Variants in CPQ observed in about 807,000 individuals in gnomAD.
CPQ encodes Ser-Met dipeptidase.
In CPQ, 37 loss-of-function variants were observed where a neutral mutation model predicts 45.7. That is an observed-to-expected ratio of 0.81 (90% CI 0.62 to 1.07). The LOEUF is 1.07. Among genes scored for constraint, CPQ ranks in the 50% least tolerant of loss-of-function variants. The pLI is 0.00. For missense variants in CPQ, 537 were observed against 572.9 expected (o/e 0.94, Z 0.64); for synonymous variants, 186 against 205.8 (o/e 0.90, Z 0.82).
intron 4 of CPQ, among the ~76,000 whole-genome samples, chr8:96,937,978 T>G (rs1441001322): frequency 6.6e-6 from 1 of 152,206 alleles, no homozygotes; most frequent in Non-Finnish European, 1.5e-5. Context: ...AAATTATTAT[T>G]TTTTTGGAAC....
chr8:97,098,257 C>T (rs1259294105), intron 7 of CPQ, among the ~76,000 whole-genome samples: 1 of 152,170 alleles, frequency 6.6e-6, no homozygotes. Context: ...CACCATGAAC[C>T]AAGCACTGTT....
At chr8:96,664,301 ACT>A (rs1164840140) in intron 1 of CPQ, among the ~76,000 whole-genome samples, 1 of 152,152 alleles carries the variant, frequency 6.6e-6, no homozygotes, top group Non-Finnish European at 1.5e-5. Flanking sequence ...GCTCAGAATG[ACT>A]CTATAGGTAA....
At chr8:96,883,925 C>A (rs1358784073) in intron 4 of CPQ, among the ~76,000 whole-genome samples, 1 of 152,142 alleles carries the variant, frequency 6.6e-6, no homozygotes, top group African/African-American at 2.4e-5. Flanking sequence ...CTTCTCAACA[C>A]ATGTTTTATT....
chr8:96,721,138 G>A (rs529302072), intron 1 of CPQ, among the ~76,000 whole-genome samples: 2 of 152,066 alleles, frequency 1.3e-5, no homozygotes, highest in South Asian at 4.2e-4. Context: ...GCTCCTACAC[G>A]GACTTTGAGG....
intron 5 of CPQ, among the ~76,000 whole-genome samples, chr8:97,007,453 GTGTC>G (rs2130434010): frequency 6.6e-6 from 1 of 152,290 alleles, no homozygotes; most frequent in Admixed American, 6.5e-5. Flanking sequence ...TTTCTATAAA[GTGTC>G]TGTTTTCAAA....
At chr8:96,651,499 A>G (rs1460795830) in intron 1 of CPQ, among the ~76,000 whole-genome samples, 1 of 152,238 alleles carries the variant, frequency 6.6e-6, no homozygotes, top group Non-Finnish European at 1.5e-5. Context: ...TTAAAAATGC[A>G]TATCTTTAAA....
At chr8:96,955,885 A>C (rs1361069304) in intron 4 of CPQ, among the ~76,000 whole-genome samples, 1 of 152,206 alleles carries the variant, frequency 6.6e-6, no homozygotes, top group Non-Finnish European at 1.5e-5. Context: ...AAGATGGATG[A>C]AAGACTTAAA....
At chr8:97,071,972 G>A (rs764586210) in intron 7 of CPQ, among the ~76,000 whole-genome samples, 4 of 152,134 alleles carry the variant, frequency 2.6e-5, no homozygotes, top group Non-Finnish European at 5.9e-5. Context: ...CTCATACATT[G>A]TGCAGTAGTG....
intron 2 of CPQ, among the ~76,000 whole-genome samples, chr8:96,806,003 A>C (rs1011572180): frequency 1.2e-4 from 18 of 152,308 alleles, no homozygotes; most frequent in East Asian, 5.8e-4. Context: ...ATTTCATAAG[A>C]GTGGCCATTA....
chr8:96,662,448 TTAAAGA>T (rs1279063172), intron 1 of CPQ, among the ~76,000 whole-genome samples: 1 of 152,236 alleles, frequency 6.6e-6, no homozygotes, highest in East Asian at 1.9e-4. Flanking sequence ...GGTCCAGTTC[TTAAAGA>T]TAAATGGATT....
chr8:96,745,008 C>G (rs1810155602), intron 1 of CPQ, among the ~76,000 whole-genome samples: 1 of 152,120 alleles, frequency 6.6e-6, no homozygotes, highest in African/African-American at 2.4e-5. Flanking sequence ...GGTTAAATGG[C>G]AGTGTAAAAG....
chr8:97,011,896 T>C (rs1809491686), intron 5 of CPQ, among the ~76,000 whole-genome samples: 1 of 152,170 alleles, frequency 6.6e-6, no homozygotes, highest in Admixed American at 6.5e-5. Flanking sequence ...CTTTCCTTTA[T>C]TAGCTTTCTT....
intron 1 of CPQ, among the ~76,000 whole-genome samples, chr8:96,695,991 C>A (rs1304080205): frequency 1.4e-5 from 2 of 145,624 alleles, no homozygotes; most frequent in Non-Finnish European, 3.0e-5. Flanking sequence ...CACATGCACA[C>A]GTATGTTTAT....
intron 5 of CPQ, among the ~76,000 whole-genome samples, chr8:96,971,213 T>C (rs1227756783): frequency 6.6e-6 from 1 of 152,192 alleles, no homozygotes; most frequent in African/African-American, 2.4e-5. Flanking sequence ...AGGCTACCTT[T>C]GGGAGCCTGA....
intron 5 of CPQ, among the ~76,000 whole-genome samples, chr8:97,020,775 C>G (rs1205927415): frequency 6.6e-6 from 1 of 152,048 alleles, no homozygotes; most frequent in Non-Finnish European, 1.5e-5. Context: ...TGGATTCACC[C>G]AGAATTCTAC....
Position 97,106,497 on chromosome 8 carries a change from C to T in CPQ, c.1256-36523C>T, listed in dbSNP as rs376961267. ...AACAGTGCTCCCTGCTCTTGCGGCA[C>T]GGCGTCTAGAGCTGCTCCTTGGGAG... is the stretch of plus-strand genomic sequence containing the variant. On this transcript the variant is annotated intron_variant, in intron 7 of 7. Transcript: ENST00000220763. 5.3e-5 allele frequency among the ~76,000 whole-genome samples: 8 copies of T among 152,366 alleles called. No homozygotes were observed. The East Asian group carries it at 1.5e-3, about 29-fold the overall frequency.
chr8:96,797,417 A>G lies in CPQ; in HGVS notation c.433+12087A>G, dbSNP rs181535584. ...ATATGATATGGACTTTTTTGCATAAATAAACAAGAACAGATTGCCATTGGT... is the reference window on the plus strand; with the variant it reads ...ATATGATATGGACTTTTTTGCATAAGTAAACAAGAACAGATTGCCATTGGT... On this transcript the variant is annotated intron_variant, in intron 2 of 7. Coordinates refer to ENST00000220763, the MANE Select transcript of CPQ (RefSeq NM_016134.4). Among the ~76,000 whole-genome samples the G allele has an allele frequency of 2.3e-3, 349 of 152,346 alleles. 4 individuals are homozygous for G. The highest frequency in any genetic ancestry group is 8.2e-3 in the African/African-American group (340 of 41,582).
chr8:96,911,645 A>G (rs1335450980), intron 4 of CPQ, among the ~76,000 whole-genome samples: 1 of 152,326 alleles, frequency 6.6e-6, no homozygotes, highest in South Asian at 2.1e-4. Context: ...GGCCCACTCT[A>G]TAAAGCTTCC....
chr8:97,106,602 C>T (rs1299531758), intron 7 of CPQ, among the ~76,000 whole-genome samples: 1 of 152,168 alleles, frequency 6.6e-6, no homozygotes, highest in East Asian at 1.9e-4. Flanking sequence ...TCTTCAGTTG[C>T]ACTAGCCACA....
Sources: gnomAD v4.1 joint callset for allele counts (sites outside exome capture counted in the v4.1 genomes callset) on GRCh38, gnomAD v4.1.1 for gene constraint, MANE v1.5 for transcripts, NCBI Gene and HGNC (gene_info 2026-07-23, HGNC 2026-07-21) for gene names.